Variants in TCF4 observed in about 807,000 individuals in gnomAD.
TCF4 encodes SL3-3 enhancer factor 2.
TCF4 carries 3 observed loss-of-function variants against 82.1 expected under a neutral mutation model. The ratio of observed to expected loss-of-function variants is 0.04; its 90% CI spans 0.02 to 0.09. TCF4 has a LOEUF of 0.09. Ranked by LOEUF, TCF4 falls within the 10% of genes least tolerant of loss-of-function variation. TCF4 has a pLI of 1.00. For missense variants in TCF4, 518 were observed against 852.7 expected (o/e 0.61, Z 4.89); for synonymous variants, 276 against 309.6 (o/e 0.89, Z 1.14).
At chr18:55,351,239 A>T in intron 6 of TCF4, 1 of 486,660 alleles carries the variant, frequency 2.1e-6, no homozygotes, top group Non-Finnish European at 3.7e-6. Context: ...TTTAAACAAT[A>T]TTTTTTTAAG....
chr18:55,481,835 C>A (rs187029075), intron 3 of TCF4, among the ~76,000 whole-genome samples: 1 of 152,166 alleles, frequency 6.6e-6, no homozygotes, highest in Non-Finnish European at 1.5e-5. Context: ...CTAATGACTG[C>A]GATACGTTAT....
At chr18:55,542,356 G>A (rs568776718) in intron 3 of TCF4, among the ~76,000 whole-genome samples, 1 of 151,988 alleles carries the variant, frequency 6.6e-6, no homozygotes, top group Admixed American at 6.6e-5. Context: ...ATATGGCAAG[G>A]GGGTTGGAGT....
chr18:55,339,735 A>G (rs1235137850), intron 8 of TCF4, among the ~76,000 whole-genome samples: 1 of 152,334 alleles, frequency 6.6e-6, no homozygotes, highest in East Asian at 1.9e-4. Flanking sequence ...AGAGTTAACT[A>G]AATCAGCCTT....
chr18:55,354,842 G>A (rs1226212415), intron 6 of TCF4, among the ~76,000 whole-genome samples: 2 of 152,120 alleles, frequency 1.3e-5, no homozygotes, highest in African/African-American at 2.4e-5. Context: ...AAAGAAGTAG[G>A]AGAAAGAAAA....
At chr18:55,597,989 C>G (rs1345469081) in intron 2 of TCF4, among the ~76,000 whole-genome samples, 1 of 152,142 alleles carries the variant, frequency 6.6e-6, no homozygotes, top group Non-Finnish European at 1.5e-5. Context: ...AGAATTCATT[C>G]AAGATGAAAA....
chr18:55,366,524 G>A (rs2087197209), intron 6 of TCF4, among the ~76,000 whole-genome samples: 1 of 152,204 alleles, frequency 6.6e-6, no homozygotes, highest in South Asian at 2.1e-4. Context: ...AAAATGTGGT[G>A]TTTAACAGTC....
intron 5 of TCF4, among the ~76,000 whole-genome samples, chr18:55,460,234 C>T (rs551251096): frequency 6.6e-6 from 1 of 152,042 alleles, no homozygotes; most frequent in Non-Finnish European, 1.5e-5. Flanking sequence ...TTGTTAAGAA[C>T]TCATGTTTAC....
chr18:55,289,981 A>C (rs1322556090), intron 8 of TCF4, among the ~76,000 whole-genome samples: 1 of 152,230 alleles, frequency 6.6e-6, no homozygotes, highest in African/African-American at 2.4e-5. Context: ...GCATGCATGC[A>C]TGAATGAATA....
chr18:55,444,615 A>G (rs1272025243), intron 5 of TCF4, among the ~76,000 whole-genome samples: 1 of 152,236 alleles, frequency 6.6e-6, no homozygotes, highest in East Asian at 1.9e-4. Context: ...AGAACTTTCT[A>G]AAAGTTAGAG....
At chr18:55,558,181 C>T (rs1311407505) in intron 3 of TCF4, among the ~76,000 whole-genome samples, 1 of 152,094 alleles carries the variant, frequency 6.6e-6, no homozygotes, top group African/African-American at 2.4e-5. Context: ...TACTGTACTC[C>T]AGTCTGGCAA....
intron 2 of TCF4, among the ~76,000 whole-genome samples, chr18:55,611,408 C>T (rs989628947): frequency 1.3e-5 from 2 of 152,132 alleles, no homozygotes; most frequent in Non-Finnish European, 2.9e-5. Context: ...CCATCTGCTA[C>T]CCTGCCAAGG....
chr18:55,575,826 G>A (rs2097523806), intron 3 of TCF4, among the ~76,000 whole-genome samples: 2 of 152,104 alleles, frequency 1.3e-5, no homozygotes, highest in African/African-American at 4.8e-5. Flanking sequence ...TCATTAAAAG[G>A]TATATCTGGC....
Position 55,272,883 on chromosome 18 carries a change from T to G in TCF4, c.789+2736A>C, listed in dbSNP as rs1421983637. On this transcript the variant is annotated intron_variant, in intron 10 of 19. Coordinates refer to ENST00000354452, the MANE Select transcript of TCF4 (RefSeq NM_001083962.2). Reference sequence around the variant, plus strand: ...GAATTACTGAAGTAAGGGTTTATGTTACAAAAAAATAAAAGAAAACAGAAC... The same window carrying G: ...GAATTACTGAAGTAAGGGTTTATGTGACAAAAAAATAAAAGAAAACAGAAC... 2.6e-5 allele frequency among the ~76,000 whole-genome samples: 4 copies of G among 151,984 alleles called. No individual in the cohort carries two copies. The East Asian group carries it at 5.8e-4, about 22-fold the overall frequency.
chr18:55,573,188 T>C (rs2097492170), intron 3 of TCF4, among the ~76,000 whole-genome samples: 1 of 151,956 alleles, frequency 6.6e-6, no homozygotes, highest in Admixed American at 6.6e-5. Flanking sequence ...AGTGCTTGGT[T>C]GCTAAAAAGG....
At chr18:55,559,026 T>C (rs1468773055) in intron 3 of TCF4, among the ~76,000 whole-genome samples, 7 of 145,140 alleles carry the variant, frequency 4.8e-5, no homozygotes, top group Non-Finnish European at 9.0e-5. Context: ...GTATGGTTTG[T>C]ATATATCTCC....
intron 2 of TCF4, among the ~76,000 whole-genome samples, chr18:55,628,090 T>C (rs994263139): frequency 6.6e-6 from 1 of 152,100 alleles, no homozygotes; most frequent in Non-Finnish European, 1.5e-5. Context: ...AACAGCTTCA[T>C]AGAGGACATT....
At chr18:55,319,153 C>T (rs1299503211) in intron 8 of TCF4, among the ~76,000 whole-genome samples, 1 of 152,162 alleles carries the variant, frequency 6.6e-6, no homozygotes, top group African/African-American at 2.4e-5. Context: ...TAGACATGCA[C>T]ATACACACAA....
At chr18:55,634,013 A>C (rs1221986759) in intron 1 of TCF4, among the ~76,000 whole-genome samples, 1 of 152,252 alleles carries the variant, frequency 6.6e-6, no homozygotes, top group Non-Finnish European at 1.5e-5. Flanking sequence ...TCACACCTGT[A>C]ATCCCAGAAC....
At position 55,282,655 on chromosome 18, in the gene TCF4, T is replaced by C. The variant is rs1246865449; in HGVS notation, c.550-2999A>G. On this transcript the variant is annotated intron_variant, in intron 8 of 19. Coordinates refer to ENST00000354452, the MANE Select transcript of TCF4 (RefSeq NM_001083962.2). ...AAATAAAATAGCTTTATTTAATCAA[T>C]AGAATAATAACAAACATCCCAGATC... 4.6e-5 allele frequency among the ~76,000 whole-genome samples: 7 copies of C among 152,208 alleles called. No individual in the cohort carries two copies. In the South Asian group the frequency reaches 8.3e-4, roughly 18 times the overall value.
Sources: gnomAD v4.1 joint callset for allele counts (sites outside exome capture counted in the v4.1 genomes callset) on GRCh38, gnomAD v4.1.1 for gene constraint, MANE v1.5 for transcripts, NCBI Gene and HGNC (gene_info 2026-07-23, HGNC 2026-07-21) for gene names.